The following TENM2 variants were observed in gnomAD, a reference collection of about 807,000 sequenced individuals.
TENM2 encodes the protein teneurin transmembrane protein 2, also known as teneurin-2.
A neutral mutation model predicts 245.2 loss-of-function variants in TENM2; 52 were observed. The observed-to-expected ratio is 0.21, with a 90% CI of 0.17 to 0.27. The LOEUF (loss-of-function observed/expected upper bound fraction) is 0.27. Among genes scored for constraint, TENM2 ranks in the 10% least tolerant of loss-of-function variants. The pLI, the probability that TENM2 is intolerant of heterozygous loss-of-function variation, is 1.00. For missense variants in TENM2, 3,046 were observed against 3,666.8 expected (o/e 0.83, Z 4.37); for synonymous variants, 1,363 against 1,438.9 (o/e 0.95, Z 1.19).
At chr5:168,063,711 C>T (rs920662212) in intron 7 of TENM2, among the ~76,000 whole-genome samples, 4 of 152,124 alleles carry the variant, frequency 2.6e-5, no homozygotes, top group Admixed American at 2.6e-4. Flanking sequence ...AGCACTTTTC[C>T]TTACTGAGCC....
At chr5:168,035,668 A>T (rs1787600987) in intron 5 of TENM2, among the ~76,000 whole-genome samples, 1 of 152,190 alleles carries the variant, frequency 6.6e-6, no homozygotes, top group Non-Finnish European at 1.5e-5. Context: ...ACAGATCTAG[A>T]GCAAAGCTTA....
chr5:167,079,323 A>G, the TENM2 span, among the ~76,000 whole-genome samples: 6 of 148,702 alleles, frequency 4.0e-5, no homozygotes, highest in African/African-American at 1.2e-4. Context: ...TAATGTATAT[A>G]TATATTTGAG....
chr5:167,336,304 C>G (rs1757750826), intron 1 of TENM2, among the ~76,000 whole-genome samples: 1 of 150,676 alleles, frequency 6.6e-6, no homozygotes, highest in Non-Finnish European at 1.5e-5. Context: ...TCTCAACGAG[C>G]CCTACTTGGG....
At chr5:167,348,279 T>C (rs10077097) in intron 1 of TENM2, among the ~76,000 whole-genome samples, 97,462 of 152,028 alleles carry the variant, frequency 0.64, 31,380 homozygotes, top group Admixed American at 0.69. Context: ...CCTAAGGATT[T>C]CGAGTGTTTA....
chr5:167,908,399 C>G, intron 3 of TENM2, among the ~76,000 whole-genome samples: 1 of 101,288 alleles, frequency 9.9e-6, no homozygotes, highest in African/African-American at 3.9e-5. Flanking sequence ...CTCTTCTCCT[C>G]TCCCCTCCCC....
chr5:167,876,321 G>A, intron 3 of TENM2, 126 bp downstream of exon 5: 1 of 750,736 alleles, frequency 1.3e-6, no homozygotes, highest in Non-Finnish European at 2.2e-6. Context: ...AGGGTGAAAT[G>A]CATTTGTCAT....
intron 10 of TENM2, among the ~76,000 whole-genome samples, chr5:168,122,271 G>C (rs1740910392): frequency 6.6e-6 from 1 of 152,206 alleles, no homozygotes; most frequent in Admixed American, 6.5e-5. Context: ...CCGCCTCCCG[G>C]GTTCACACCA....
At chr5:167,602,271 A>G (rs1050761820) in intron 2 of TENM2, among the ~76,000 whole-genome samples, 16 of 152,264 alleles carry the variant, frequency 1.1e-4, no homozygotes, top group Middle Eastern at 3.4e-3. Context: ...AAAATGAGCC[A>G]AACAATTTTC....
At chr5:167,726,356 GTAT>G (rs1760005080) in intron 2 of TENM2, among the ~76,000 whole-genome samples, 1 of 152,090 alleles carries the variant, frequency 6.6e-6, no homozygotes, top group African/African-American at 2.4e-5. Context: ...ATAGAAAGAA[GTAT>G]TATTATTACA....
chr5:167,138,362 C>G, the TENM2 span, among the ~76,000 whole-genome samples: 1 of 152,108 alleles, frequency 6.6e-6, no homozygotes, highest in Non-Finnish European at 1.5e-5. Flanking sequence ...AGGAATGACC[C>G]AGAGCTAGAG....
chr5:167,318,497 A>G (rs1277575927), intron 1 of TENM2, among the ~76,000 whole-genome samples: 4 of 151,966 alleles, frequency 2.6e-5, no homozygotes, highest in Admixed American at 1.3e-4. Flanking sequence ...AGTGCACATT[A>G]TAACTATCTC....
At chr5:168,142,551 G>C (rs1349179749) in intron 12 of TENM2, among the ~76,000 whole-genome samples, 3 of 152,226 alleles carry the variant, frequency 2.0e-5, no homozygotes, top group Admixed American at 2.0e-4. Flanking sequence ...GCAAGCCAAG[G>C]CTTTGAGGTG....
At chr5:168,031,091 G>A (rs1787105605) in intron 5 of TENM2, among the ~76,000 whole-genome samples, 5 of 152,194 alleles carry the variant, frequency 3.3e-5, no homozygotes, top group Admixed American at 3.3e-4. Flanking sequence ...CATGAGGTAT[G>A]TGTACCAGGT....
chr5:167,217,847 T>C, the TENM2 span, among the ~76,000 whole-genome samples: 2 of 151,138 alleles, frequency 1.3e-5, no homozygotes, highest in Non-Finnish European at 2.9e-5. Flanking sequence ...AGAAGCCGAC[T>C]ATGAGACGAA....
chr5:168,214,083 G>A (rs1486134676), intron 20 of TENM2, among the ~76,000 whole-genome samples: 1 of 152,162 alleles, frequency 6.6e-6, no homozygotes, highest in African/African-American at 2.4e-5. Flanking sequence ...AATCCCTCCA[G>A]CCCCTGCAAA....
the TENM2 span, among the ~76,000 whole-genome samples, chr5:167,166,877 C>G: frequency 3.3e-5 from 5 of 152,150 alleles, no homozygotes; most frequent in African/African-American, 1.2e-4. Context: ...TCAGGAATCT[C>G]AAACCTACCT....
chr5:167,445,330 T>TAGGGAGAGAGAGAGAGAGAGAG (rs1275688569), intron 2 of TENM2, among the ~76,000 whole-genome samples: 1 of 49,270 alleles, frequency 2.0e-5, no homozygotes, highest in Non-Finnish European at 3.6e-5. Context: ...TATATATATA[T>TAGGGAGAGAGAGAGAGAGAGAG]ATATATAGAG....
chr5:167,079,755 A>T, the TENM2 span, among the ~76,000 whole-genome samples: 1 of 152,332 alleles, frequency 6.6e-6, no homozygotes, highest in Non-Finnish European at 1.5e-5. Flanking sequence ...CAAAGCCCAA[A>T]TTGAAATGTG....
intron 2 of TENM2, among the ~76,000 whole-genome samples, chr5:167,682,388 C>T (rs529647937): frequency 1.3e-5 from 2 of 152,012 alleles, no homozygotes; most frequent in African/African-American, 4.8e-5. Flanking sequence ...GTCTTGAACT[C>T]CTGACCTTAG....
Sources: gnomAD v4.1 joint callset for allele counts (sites outside exome capture counted in the v4.1 genomes callset) on GRCh38, gnomAD v4.1.1 for gene constraint, MANE v1.5 for transcripts, NCBI Gene and HGNC (gene_info 2026-07-23, HGNC 2026-07-21) for gene names.